The following CTNND2 variants were observed in gnomAD, a reference collection of about 807,000 sequenced individuals.
CTNND2 encodes the protein catenin delta-2.
Under a neutral mutation model 144.4 loss-of-function variants are expected in CTNND2, and 22 were observed. That is an observed-to-expected ratio of 0.15 (90% CI 0.11 to 0.22). The LOEUF (loss-of-function observed/expected upper bound fraction) is 0.22, where lower values mean the gene tolerates loss of function less well. CTNND2 is among the 10% of genes least tolerant of loss of function. CTNND2 has a pLI of 1.00. For missense variants in CTNND2, 1,353 were observed against 1,618.8 expected, an observed-to-expected ratio of 0.84 and a Z score of 2.82; for synonymous variants, 751 against 695.6, an observed-to-expected ratio of 1.08 and a Z score of -1.25.
At chr5:11,766,691 A>G (rs376903462) in intron 1 of CTNND2, among the ~76,000 whole-genome samples, 140 of 152,276 alleles carry the variant, frequency 9.2e-4, no homozygotes, top group African/African-American at 3.1e-3. Context: ...CTGACCCTCA[A>G]TTTAGACCAG....
At chr5:11,289,220 A>G (rs1748062354) in intron 9 of CTNND2, among the ~76,000 whole-genome samples, 2 of 152,226 alleles carry the variant, frequency 1.3e-5, no homozygotes, top group African/African-American at 4.8e-5. Context: ...TGTCCAGAGC[A>G]TCTAACACAG....
chr5:11,074,696 A>C (rs922163990), intron 16 of CTNND2, among the ~76,000 whole-genome samples: 2 of 152,204 alleles, frequency 1.3e-5, no homozygotes, highest in East Asian at 1.9e-4. Context: ...TCTCCAAAGG[A>C]AAAAACATTT....
At chr5:11,144,850 G>A (rs994725949) in intron 12 of CTNND2, among the ~76,000 whole-genome samples, 3 of 152,104 alleles carry the variant, frequency 2.0e-5, no homozygotes, top group African/African-American at 7.2e-5. Context: ...TGCCCAAGAT[G>A]CATAAGACGA....
At chr5:11,830,121 A>G (rs1384776833) in intron 1 of CTNND2, among the ~76,000 whole-genome samples, 1 of 152,212 alleles carries the variant, frequency 6.6e-6, no homozygotes, top group Non-Finnish European at 1.5e-5. Flanking sequence ...CATTGTATCT[A>G]GGAAGTAACT....
chr5:11,831,781 G>T (rs1395618868), intron 1 of CTNND2, among the ~76,000 whole-genome samples: 3 of 152,042 alleles, frequency 2.0e-5, no homozygotes, highest in African/African-American at 7.2e-5. Flanking sequence ...CCTAACAACT[G>T]ATGGTAAAAC....
chr5:11,421,630 T>TA (rs1762373886), intron 3 of CTNND2, among the ~76,000 whole-genome samples: 1 of 151,910 alleles, frequency 6.6e-6, no homozygotes, highest in Admixed American at 6.6e-5. Context: ...CAGTGGACAC[T>TA]AAAAAAATAC....
At chr5:11,290,119 A>C (rs1327684960) in intron 9 of CTNND2, among the ~76,000 whole-genome samples, 2 of 152,214 alleles carry the variant, frequency 1.3e-5, no homozygotes, top group East Asian at 3.8e-4. Context: ...ACTCCTAAAG[A>C]GTGGAGAATA....
chr5:11,228,274 G>A (rs1740580659), intron 10 of CTNND2, among the ~76,000 whole-genome samples: 1 of 149,720 alleles, frequency 6.7e-6, no homozygotes, highest in Non-Finnish European at 1.5e-5. Flanking sequence ...GTACCCAGGG[G>A]GCAGAGGTTG....
At chr5:11,892,183 C>CT (rs1560975752) in intron 1 of CTNND2, among the ~76,000 whole-genome samples, 2 of 152,062 alleles carry the variant, frequency 1.3e-5, no homozygotes, top group Admixed American at 6.5e-5. Context: ...TGATGGTGAA[C>CT]TTTTCCACAT....
chr5:11,210,132 G>A (rs370488561), intron 10 of CTNND2, among the ~76,000 whole-genome samples: 233 of 152,170 alleles, frequency 1.5e-3, no homozygotes, highest in African/African-American at 5.2e-3. Context: ...AAGATTGGGC[G>A]TGGTGGCTCA....
chr5:11,112,871 G>A (rs1175688795), intron 13 of CTNND2, among the ~76,000 whole-genome samples: 2 of 152,166 alleles, frequency 1.3e-5, no homozygotes, highest in South Asian at 2.1e-4. Flanking sequence ...GGCTGGGCGC[G>A]GTGGCTCATG....
chr5:11,757,345 T>C (rs891510373), intron 1 of CTNND2, among the ~76,000 whole-genome samples: 1 of 151,922 alleles, frequency 6.6e-6, no homozygotes, highest in African/African-American at 2.4e-5. Flanking sequence ...TGATGTATCA[T>C]TTTTAGTTCT....
intron 3 of CTNND2, among the ~76,000 whole-genome samples, chr5:11,443,603 T>C (rs1055437652): frequency 1.3e-5 from 2 of 152,196 alleles, no homozygotes; most frequent in Non-Finnish European, 2.9e-5. Context: ...ACTCTCTTAA[T>C]GTTTACATTC....
At chr5:11,800,259 G>A (rs1233431138) in intron 1 of CTNND2, among the ~76,000 whole-genome samples, 1 of 152,098 alleles carries the variant, frequency 6.6e-6, no homozygotes, top group Non-Finnish European at 1.5e-5. Flanking sequence ...TCACCTATCA[G>A]TAAATAGGGA....
At chr5:11,451,368 C>T (rs142576357) in intron 3 of CTNND2, among the ~76,000 whole-genome samples, 2,349 of 152,256 alleles carry the variant, frequency 0.015, 62 homozygotes, top group African/African-American at 0.054. Context: ...AAACCAACCA[C>T]AATATAATTC....
chr5:11,256,490 CATT>C (rs1448255329), intron 9 of CTNND2, among the ~76,000 whole-genome samples: 1 of 152,202 alleles, frequency 6.6e-6, no homozygotes, highest in Non-Finnish European at 1.5e-5. Flanking sequence ...TTTAACTCAT[CATT>C]ATCTTCGCAG....
At chr5:11,899,799 C>T (rs1737711277) in intron 1 of CTNND2, among the ~76,000 whole-genome samples, 1 of 152,112 alleles carries the variant, frequency 6.6e-6, no homozygotes, top group African/African-American at 2.4e-5. Context: ...ACTGAGTTAA[C>T]AACTGAGGAT....
chr5:11,527,479 C>CCCAT lies in CTNND2; in HGVS notation c.287+37461_287+37464dup, dbSNP rs1460498878. Among the ~76,000 whole-genome samples, 7 of 152,208 alleles carry CCCAT rather than the reference C, an allele frequency of 4.6e-5. 1 individual carries two copies. The highest frequency in any genetic ancestry group is 1.7e-4 in the African/African-American group (7 of 41,548). On this transcript the variant is annotated intron_variant, in intron 3 of 21. Transcript: ENST00000304623. ...AATCCCACCCCCTGTACCCTTCCCA[C>CCCAT]CCATCCACCTCTAGGCAGAACTCAG...
chr5:11,354,703 A>T (rs1027452938), intron 8 of CTNND2, among the ~76,000 whole-genome samples: 1 of 152,184 alleles, frequency 6.6e-6, no homozygotes, highest in Non-Finnish European at 1.5e-5. Flanking sequence ...ATCCAGACAG[A>T]AATCAATAAG....
Sources: allele counts gnomAD v4.1 joint callset (sites outside exome capture counted in the v4.1 genomes callset), GRCh38; gene constraint gnomAD v4.1.1; transcripts MANE v1.5; gene names NCBI Gene and HGNC (gene_info 2026-07-23, HGNC 2026-07-21).